PLCL1: variants seen among roughly 807,000 people sequenced by gnomAD.
PLCL1 encodes inactive phospholipase C-like protein 1.
A neutral mutation model predicts 84.4 loss-of-function variants in PLCL1; 41 were observed. That is an observed-to-expected ratio of 0.49 (90% CI 0.38 to 0.63). The LOEUF (loss-of-function observed/expected upper bound fraction) is 0.63, where lower values mean the gene tolerates loss of function less well. Ranked by LOEUF, PLCL1 falls within the 30% of genes least tolerant of loss-of-function variation. The pLI, the probability that PLCL1 is intolerant of heterozygous loss-of-function variation, is 0.00. For missense variants in PLCL1, 1,206 were observed against 1,367.8 expected, an observed-to-expected ratio of 0.88 and a Z score of 1.87; for synonymous variants, 490 against 488.3, an observed-to-expected ratio of 1.00 and a Z score of -0.05.
intron 1 of PLCL1, among the ~76,000 whole-genome samples, chr2:197,887,688 T>A (rs559971735): frequency 4.1e-4 from 62 of 152,318 alleles, no homozygotes; most frequent in African/African-American, 1.3e-3. Flanking sequence ...AGTGTAGCCA[T>A]CACCCATACT....
chr2:198,146,206 T>C (rs970837375), intron 5 of PLCL1, among the ~76,000 whole-genome samples: 1 of 152,142 alleles, frequency 6.6e-6, no homozygotes, highest in Non-Finnish European at 1.5e-5. Flanking sequence ...TTCAGGATGA[T>C]GGAAAAGGCA....
chr2:197,805,157 G>C lies in PLCL1; in HGVS notation c.58G>C (p.Glu20Gln). 1 of 1,304,412 alleles carries C rather than the reference G, an allele frequency of 7.7e-7. No homozygotes were observed. Among genetic ancestry groups the C allele is most frequent in the Non-Finnish European group, 9.7e-7 (1 of 1,031,432 alleles). The allele number at this position is 1,304,412 out of a possible 1,614,324, so 80.8% of individuals were successfully genotyped here. The change falls in exon 1 of 6, where the codon GAA (glutamate) becomes CAA (glutamine). Residue 20 changes from glutamate to glutamine, a missense_variant. Coordinates refer to ENST00000428675, the MANE Select transcript of PLCL1 (RefSeq NM_006226.4). The surrounding 1 kb of genome is among the most constrained non-coding windows in gnomAD (Gnocchi z 4.0). Reference sequence around the variant, plus strand: ...GGCGCCGCCCGACGCGGCGGGGGGCGAAGACGACCCCCGAGTGGGCCCGGA... The same window carrying C: ...GGCGCCGCCCGACGCGGCGGGGGGCCAAGACGACCCCCGAGTGGGCCCGGA... The part of the protein sequence containing the change: ...DPAPPDAAGG[E>Q]DDPRVGPDAA...
intron 1 of PLCL1, among the ~76,000 whole-genome samples, chr2:197,838,658 A>G (rs1001046004): frequency 6.6e-6 from 1 of 152,244 alleles, no homozygotes; most frequent in Admixed American, 6.5e-5. Flanking sequence ...AAATATAAAC[A>G]CATATATCAC....
chr2:197,935,453 G>C (rs1385341103), intron 1 of PLCL1, among the ~76,000 whole-genome samples: 1 of 152,158 alleles, frequency 6.6e-6, no homozygotes. Flanking sequence ...ACAAGATCTT[G>C]TTCTTTGCAG....
intron 1 of PLCL1, among the ~76,000 whole-genome samples, chr2:197,820,423 T>C (rs1196297734): frequency 6.6e-6 from 1 of 152,122 alleles, no homozygotes; most frequent in East Asian, 1.9e-4. Context: ...TGTAAGATAT[T>C]AAAATAAGAA....
chr2:198,034,472 A>G (rs1280958533), intron 1 of PLCL1, among the ~76,000 whole-genome samples: 17 of 152,108 alleles, frequency 1.1e-4, no homozygotes, highest in Admixed American at 1.1e-3. Context: ...CCTGGAACCA[A>G]CCCAAATGTC....
intron 1 of PLCL1, among the ~76,000 whole-genome samples, chr2:198,039,756 C>T (rs1313296125): frequency 2.6e-5 from 4 of 152,188 alleles, no homozygotes; most frequent in Non-Finnish European, 4.4e-5. Context: ...AAACACATCA[C>T]TCATTGACTG....
rs140131990 is a variant in PLCL1 at position 198,135,329 on chromosome 2, C to A, written c.3106-11451C>A. On this transcript the variant is annotated intron_variant, in intron 5 of 5. Coordinates refer to ENST00000428675, the MANE Select transcript of PLCL1 (RefSeq NM_006226.4). ...CTGTTACTAAATTTCATTTGAAATG[C>A]AATTAATTACCTTCATCACCTTGCT... Among the ~76,000 whole-genome samples, 7 of 152,250 alleles carry A rather than the reference C, an allele frequency of 4.6e-5. No homozygotes were observed. In the East Asian group the frequency reaches 9.6e-4, roughly 21 times the overall value.
intron 1 of PLCL1, among the ~76,000 whole-genome samples, chr2:197,942,587 A>G (rs1307710648): frequency 6.6e-6 from 1 of 152,226 alleles, no homozygotes; most frequent in African/African-American, 2.4e-5. Context: ...TATGAAAGGA[A>G]AAGGTTTTTA....
In PLCL1 at chr2:198,118,065, A is replaced by G. The variant is rs188331147; in HGVS notation, c.3105+14129A>G. Among the ~76,000 whole-genome samples, 3 of 152,042 alleles carry G rather than the reference A, an allele frequency of 2.0e-5. No individual in the cohort carries two copies. In the East Asian group the frequency reaches 5.8e-4, roughly 30 times the overall value. On this transcript the variant is annotated intron_variant, in intron 5 of 5. Transcript: ENST00000428675. The stretch of plus-strand genomic sequence containing the variant: ...TTGTAAGCTCTGTAATAATACATGT[A>G]GATATGATAATAACAATAATAGAGG...
intron 1 of PLCL1, among the ~76,000 whole-genome samples, chr2:198,048,542 C>G (rs1236248502): frequency 1.3e-5 from 2 of 152,200 alleles, no homozygotes; most frequent in Non-Finnish European, 2.9e-5. Flanking sequence ...TGGAAACTTC[C>G]AGTCATGCAG....
At chr2:198,112,180 C>T (rs1693638642) in intron 5 of PLCL1, among the ~76,000 whole-genome samples, 1 of 151,842 alleles carries the variant, frequency 6.6e-6, no homozygotes, top group Admixed American at 6.6e-5. Context: ...AGTTAACTTC[C>T]TTTTTTATTT....
intron 5 of PLCL1, among the ~76,000 whole-genome samples, chr2:198,123,542 A>G (rs1217939808): frequency 6.6e-6 from 1 of 152,066 alleles, no homozygotes; most frequent in Non-Finnish European, 1.5e-5. Flanking sequence ...CATAGGGAAA[A>G]GATGGCCATC....
rs531344063 is a variant in PLCL1, at chr2:197,855,821, T to A, written c.240+50482T>A. ...TTCAGATGACCAAAGACCAATTCAGTGGCTAAATTGTTAATGTCTATGCTT... is the reference window on the plus strand; with the variant it reads ...TTCAGATGACCAAAGACCAATTCAGAGGCTAAATTGTTAATGTCTATGCTT... On this transcript the variant is annotated intron_variant, in intron 1 of 5. Coordinates refer to ENST00000428675, the MANE Select transcript of PLCL1 (RefSeq NM_006226.4). 4.3e-4 allele frequency among the ~76,000 whole-genome samples: 66 copies of A among 152,232 alleles called. 2 individuals are homozygous for A. The South Asian group carries it at 9.5e-3, about 22-fold the overall frequency.
At chr2:198,146,727 A>T in intron 5 of PLCL1, 53 bp from the exon 6 acceptor site, 1 of 1,471,890 alleles carries the variant, frequency 6.8e-7, no homozygotes, top group Non-Finnish European at 9.3e-7. Flanking sequence ...GTCACTCAGC[A>T]CATGCCTGGC....
chr2:197,858,607 C>T (rs1687375077), intron 1 of PLCL1, among the ~76,000 whole-genome samples: 1 of 152,154 alleles, frequency 6.6e-6, no homozygotes, highest in African/African-American at 2.4e-5. Context: ...GGATAAATTT[C>T]ATGCCTCACA....
At chr2:197,906,411 A>G (rs555075097) in intron 1 of PLCL1, among the ~76,000 whole-genome samples, 4 of 150,042 alleles carry the variant, frequency 2.7e-5, no homozygotes, top group East Asian at 2.0e-4. Flanking sequence ...GTTCTGTTCT[A>G]TTGGTCTATA....
At chr2:198,138,361 A>G (rs115575075) in intron 5 of PLCL1, among the ~76,000 whole-genome samples, 2,372 of 152,146 alleles carry the variant, frequency 0.016, 49 homozygotes, top group African/African-American at 0.054. Flanking sequence ...TCTCCTGAGA[A>G]CTTACTATCA....
chr2:198,046,507 A>G (rs920705540), intron 1 of PLCL1, among the ~76,000 whole-genome samples: 4 of 152,222 alleles, frequency 2.6e-5, no homozygotes, highest in African/African-American at 7.2e-5. Context: ...AGAAAGATAT[A>G]TCACTTTATA....
Sources: gnomAD v4.1 joint callset for allele counts (sites outside exome capture counted in the v4.1 genomes callset) on GRCh38, gnomAD v4.1.1 for gene constraint, Gnocchi (gnomAD v3.1) non-coding constraint, MANE v1.5 for transcripts, NCBI Gene and HGNC (gene_info 2026-07-23, HGNC 2026-07-21) for gene names.